GSE1: variants seen among roughly 807,000 people sequenced by gnomAD.
The protein encoded by GSE1 is genetic suppressor element 1.
GSE1 carries 32 observed loss-of-function variants against 112.6 expected under a neutral mutation model. The ratio of observed to expected loss-of-function variants is 0.28; its 90% CI spans 0.21 to 0.38. The LOEUF (loss-of-function observed/expected upper bound fraction) is 0.38. GSE1 is among the 10% of genes least tolerant of loss of function. The pLI, the probability that GSE1 is intolerant of heterozygous loss-of-function variation, is 1.00. For missense variants in GSE1, 2,348 were observed against 1,699.2 expected (o/e 1.38, Z -6.71); for synonymous variants, 1,115 against 735.6 (o/e 1.52, Z -8.35).
chr16:85,326,932 C>G (rs972019635), intron 1 of GSE1, among the ~76,000 whole-genome samples: 1 of 152,234 alleles, frequency 6.6e-6, no homozygotes, highest in South Asian at 2.1e-4. Context: ...AAACCATAAT[C>G]GCTGTTTTTG....
chr16:85,220,389 G>A (rs1308400853), intron 1 of GSE1, among the ~76,000 whole-genome samples: 1 of 152,180 alleles, frequency 6.6e-6, no homozygotes, highest in Non-Finnish European at 1.5e-5. Context: ...AGCGGGCGGC[G>A]GCGCAGATGG....
chr16:85,287,180 G>A (rs1176559110), intron 1 of GSE1, among the ~76,000 whole-genome samples: 1 of 152,218 alleles, frequency 6.6e-6, no homozygotes, highest in Admixed American at 6.5e-5. Context: ...GGGTCTGTTT[G>A]AGACAGATGG....
chr16:85,541,392 C>CCA (rs2044513305), intron 2 of GSE1, among the ~76,000 whole-genome samples: 1 of 152,252 alleles, frequency 6.6e-6, no homozygotes, highest in Non-Finnish European at 1.5e-5. Context: ...CCGGAGGAAG[C>CCA]CACACAGCAG....
At chr16:85,494,592 G>T (rs12596153) in intron 2 of GSE1, among the ~76,000 whole-genome samples, 30,890 of 151,814 alleles carry the variant, frequency 0.2, 3,685 homozygotes, top group African/African-American at 0.33. Context: ...TTTGTAGAGA[G>T]AGGGTTTTGC....
chr16:85,235,171 C>G (rs1425385539), intron 1 of GSE1, among the ~76,000 whole-genome samples: 1 of 152,062 alleles, frequency 6.6e-6, no homozygotes, highest in Non-Finnish European at 1.5e-5. Context: ...TAGGGGTGTC[C>G]TTTCTCCCCA....
chr16:85,670,092 T>TA (rs1567769833), intron 14 of GSE1, among the ~76,000 whole-genome samples: 1 of 152,264 alleles, frequency 6.6e-6, no homozygotes, highest in Admixed American at 6.5e-5. Flanking sequence ...ACAAAACTAT[T>TA]ACATCATTTT....
chr16:85,301,886 C>T (rs1312836426), intron 1 of GSE1, among the ~76,000 whole-genome samples: 1 of 152,212 alleles, frequency 6.6e-6, no homozygotes, highest in East Asian at 1.9e-4. Context: ...TCCTTGCATC[C>T]TTGGGTTCTG....
In GSE1 at chr16:85,663,609, G is replaced by A. The variant is rs758228702; in HGVS notation, c.2639G>A (p.Arg880Lys). The A allele has an allele frequency of 3.1e-5, 50 of 1,611,194 alleles. No individual in the cohort carries two copies. Among genetic ancestry groups the A allele is most frequent in the Admixed American group, 5.0e-5 (3 of 59,588 alleles). ...FNLTHISAEK[R>K]KDKERLVEML... ...CTGACCCACATCAGCGCTGAGAAGAGGAAAGGTAGGGCCTCGCCTGGGTAG... is the reference window on the plus strand; with the variant it reads ...CTGACCCACATCAGCGCTGAGAAGAAGAAAGGTAGGGCCTCGCCTGGGTAG... The change falls in exon 11 of 16, where the codon AGG (arginine) becomes AAG (lysine). Residue 880 changes from arginine (R) to lysine (K), a missense_variant. Arg to Lys is a conservative substitution (Grantham distance 26). Transcript: ENST00000253458.
At chr16:85,635,717 C>G (rs1447921610) in intron 2 of GSE1, among the ~76,000 whole-genome samples, 1 of 152,222 alleles carries the variant, frequency 6.6e-6, no homozygotes, top group Non-Finnish European at 1.5e-5. Flanking sequence ...CGGCACGTGA[C>G]TGGCGCTGGT....
At chr16:85,297,550 A>T (rs1383150736) in intron 1 of GSE1, among the ~76,000 whole-genome samples, 2 of 152,070 alleles carry the variant, frequency 1.3e-5, no homozygotes, top group East Asian at 3.9e-4. Context: ...CTCAGACTGG[A>T]GTGCAGTGGT....
intron 1 of GSE1, among the ~76,000 whole-genome samples, chr16:85,204,530 T>C (rs1339099372): frequency 6.6e-6 from 1 of 152,254 alleles, no homozygotes. Flanking sequence ...TTTGAGGACC[T>C]GCCAGGCTAT....
At chr16:85,249,799 T>C (rs1156469522) in intron 1 of GSE1, among the ~76,000 whole-genome samples, 1 of 152,198 alleles carries the variant, frequency 6.6e-6, no homozygotes, top group East Asian at 1.9e-4. Context: ...TGGCACAGGG[T>C]CAGGCCGCCC....
intron 1 of GSE1, among the ~76,000 whole-genome samples, chr16:85,246,458 CA>C (rs1265746481): frequency 3.9e-5 from 5 of 128,938 alleles, no homozygotes; most frequent in African/African-American, 8.5e-5. Context: ...CACACACACA[CA>C]CCCCACACGC....
intron 1 of GSE1, among the ~76,000 whole-genome samples, chr16:85,312,729 GGAGGAGGCGGAC>G (rs926474929): frequency 3.3e-5 from 5 of 151,918 alleles, no homozygotes; most frequent in Admixed American, 6.6e-5. Flanking sequence ...AAGGAGGAGA[GGAGGAGGCGGAC>G]GAGGAGGAGA....
At chr16:85,260,860 T>C (rs1242415913) in intron 1 of GSE1, among the ~76,000 whole-genome samples, 1 of 152,224 alleles carries the variant, frequency 6.6e-6, no homozygotes, top group Non-Finnish European at 1.5e-5. Context: ...CACTGAGGGC[T>C]CAGGGAGTCC....
chr16:85,263,713 C>T (rs1231607597), intron 1 of GSE1, among the ~76,000 whole-genome samples: 1 of 152,038 alleles, frequency 6.6e-6, no homozygotes, highest in Non-Finnish European at 1.5e-5. Context: ...GCTGGGATTA[C>T]AGGTGTGGGA....
chr16:85,635,908 C>A (rs907662112), intron 2 of GSE1, among the ~76,000 whole-genome samples: 9 of 152,056 alleles, frequency 5.9e-5, no homozygotes, highest in African/African-American at 2.2e-4. Flanking sequence ...TCCCTGGGCC[C>A]AGCAGCGGCC....
At chr16:85,645,523 C>T (rs1042481253) in intron 2 of GSE1, among the ~76,000 whole-genome samples, 5 of 152,168 alleles carry the variant, frequency 3.3e-5, no homozygotes, top group Admixed American at 2.0e-4. Flanking sequence ...CCCAAGGGAG[C>T]ACCTTTGGGA....
At chr16:85,346,931 GA>G (rs200920422) in intron 1 of GSE1, among the ~76,000 whole-genome samples, 3,295 of 152,228 alleles carry the variant, frequency 0.022, 108 homozygotes, top group African/African-American at 0.075. Context: ...CAGGTGGGTG[GA>G]TGGTGGACAG....
Sources: allele counts gnomAD v4.1 joint callset (sites outside exome capture counted in the v4.1 genomes callset), GRCh38; gene constraint gnomAD v4.1.1; transcripts MANE v1.5; gene names NCBI Gene and HGNC (gene_info 2026-07-23, HGNC 2026-07-21).